Variants in ANXA3 observed in about 807,000 individuals in gnomAD.
ANXA3 encodes annexin A3.
Under a neutral mutation model 48.8 loss-of-function variants are expected in ANXA3, and 46 were observed. The observed-to-expected ratio is 0.94, with a 90% CI of 0.74 to 1.21. The LOEUF (loss-of-function observed/expected upper bound fraction) is 1.21. ANXA3 is among the 50% of genes most tolerant of loss of function. The probability of loss-of-function intolerance (pLI) is 0.00; values close to 1 mark genes in which losing one functional copy is unlikely to be tolerated. For missense variants in ANXA3, 383 were observed against 378.6 expected (o/e 1.01, Z -0.10); for synonymous variants, 128 against 134.7 (o/e 0.95, Z 0.35).
chr4:78,591,300 C>G (rs1352991659), intron 6 of ANXA3, among the ~76,000 whole-genome samples: 10 of 152,098 alleles, frequency 6.6e-5, no homozygotes, highest in Non-Finnish European at 1.5e-5. Context: ...TGAAATAAAC[C>G]AAGATTTGCT....
At chr4:78,579,302 G>T (rs1464927518) in intron 4 of ANXA3, among the ~76,000 whole-genome samples, 181 bp downstream of exon 4, 1 of 152,170 alleles carries the variant, frequency 6.6e-6, no homozygotes. Context: ...ACTGGCTTTG[G>T]GCATGTTACT....
chr4:78,572,267 C>T (rs1158831685), intron 2 of ANXA3, among the ~76,000 whole-genome samples: 1 of 152,122 alleles, frequency 6.6e-6, no homozygotes, highest in African/African-American at 2.4e-5. Flanking sequence ...AAGAGGACTC[C>T]TGAGATATGG....
At position 78,580,658 on chromosome 4, in the gene ANXA3, T is replaced by A. The variant is rs541974972; in HGVS notation, c.199-1519T>A. On this transcript the variant is annotated intron_variant, in intron 4 of 12. Transcript: ENST00000264908. ...TGACCATCCACAGGCACCTCAGGAA[T>A]TACCTCCTGGGAGTGTTCTCCAGGC... 1.1e-4 allele frequency among the ~76,000 whole-genome samples: 16 copies of A among 152,318 alleles called. 1 individual carries two copies. The South Asian group carries it at 3.3e-3, about 32-fold the overall frequency.
chr4:78,563,579 A>G (rs1006195854), intron 2 of ANXA3, among the ~76,000 whole-genome samples: 1 of 152,170 alleles, frequency 6.6e-6, no homozygotes, highest in Non-Finnish European at 1.5e-5. Context: ...TGAACCATAA[A>G]GTGGACCTTC....
chr4:78,572,036 A>G (rs1452110813), intron 2 of ANXA3, among the ~76,000 whole-genome samples: 1 of 152,256 alleles, frequency 6.6e-6, no homozygotes, highest in Non-Finnish European at 1.5e-5. Flanking sequence ...TAATTAAAAC[A>G]TCTTGAAGTC....
At chr4:78,569,502 C>T (rs1253997842) in intron 2 of ANXA3, among the ~76,000 whole-genome samples, 1 of 152,140 alleles carries the variant, frequency 6.6e-6, no homozygotes, top group Non-Finnish European at 1.5e-5. Flanking sequence ...TCTTCCACAC[C>T]CATAAGAGAA....
chr4:78,553,107 T>A (rs938346228), intron 1 of ANXA3, among the ~76,000 whole-genome samples: 1 of 152,188 alleles, frequency 6.6e-6, no homozygotes, highest in African/African-American at 2.4e-5. Flanking sequence ...AGTGTCAGAT[T>A]TGGTCAGGTG....
Position 78,597,442 on chromosome 4 carries a change from G to A in ANXA3, c.730+28G>A, listed in dbSNP as rs776623242. The A allele has an allele frequency of 4.8e-6, 7 of 1,453,248 alleles. No individual in the cohort carries two copies. The East Asian group carries it at 1.6e-4, about 33-fold the overall frequency. The allele number at this position is 1,453,248 out of a possible 1,614,324, so 90.0% of individuals were successfully genotyped here. A position where few individuals can be genotyped will look rare whatever the true frequency, so the allele number is the denominator to read the frequency against. ...AAGACTTCGAGTGCTGGTAAACTAA[G>A]TTACTTTGCACTTGCTTTAACTCAG... On this transcript the variant is annotated intron_variant, in intron 10 of 12. Transcript: ENST00000264908.
chr4:78,578,614 T>G (rs1723010527), intron 3 of ANXA3, among the ~76,000 whole-genome samples: 2 of 152,110 alleles, frequency 1.3e-5, no homozygotes, highest in Non-Finnish European at 2.9e-5. Flanking sequence ...CAGGGCAGAT[T>G]TTCAATAAGT....
In ANXA3 at chr4:78,595,795, T is replaced by A. The variant is rs1560449955; in HGVS notation, c.542T>A (p.Ile181Asn). 1 of 1,587,160 alleles carries A rather than the reference T, an allele frequency of 6.3e-7. No homozygotes were observed. Among genetic ancestry groups the A allele is most frequent in the East Asian group, 2.2e-5 (1 of 44,700 alleles). Residue 181 changes from isoleucine to asparagine, a missense_variant and splice_region_variant, in exon 9 of 13, where the codon ATT (isoleucine) becomes AAT (asparagine). Ile to Asn is a moderately radical substitution (Grantham distance 149). Coordinates refer to ENST00000264908, the MANE Select transcript of ANXA3 (RefSeq NM_005139.3). ...DEHLAKQDAQ[I>N]LYKAGENRWG... ...CTAATATCATTCTCTTGTGAATAGATTCTCTATAAAGCTGGTGAGAACAGA... is the reference window on the plus strand; with the variant it reads ...CTAATATCATTCTCTTGTGAATAGAATCTCTATAAAGCTGGTGAGAACAGA...
At chr4:78,563,890 A>G (rs1018137038) in intron 2 of ANXA3, among the ~76,000 whole-genome samples, 1 of 152,178 alleles carries the variant, frequency 6.6e-6, no homozygotes, top group African/African-American at 2.4e-5. Flanking sequence ...GAAGTTACAC[A>G]TGCACAGGGC....
At chr4:78,569,598 A>G (rs1170105460) in intron 2 of ANXA3, among the ~76,000 whole-genome samples, 1 of 152,248 alleles carries the variant, frequency 6.6e-6, no homozygotes, top group African/African-American at 2.4e-5. Flanking sequence ...TTTATTGTGT[A>G]CTAGAATCAC....
chr4:78,595,544 T>TC, intron 8 of ANXA3, 107 bp downstream of exon 8: 3 of 1,255,598 alleles, frequency 2.4e-6, no homozygotes, highest in South Asian at 1.3e-5. Context: ...ACTTTTCTTT[T>TC]TTTTTTTTTC....
chr4:78,575,387 C>T (rs887501040), intron 3 of ANXA3, among the ~76,000 whole-genome samples: 4 of 152,010 alleles, frequency 2.6e-5, no homozygotes, highest in Admixed American at 2.6e-4. Flanking sequence ...ATAATTCCCA[C>T]GTGTTGTGGG....
intron 7 of ANXA3, among the ~76,000 whole-genome samples, chr4:78,593,749 A>T (rs1347255721): frequency 2.2e-5 from 3 of 136,740 alleles, no homozygotes; most frequent in African/African-American, 8.4e-5. Flanking sequence ...CAGACCTCCC[A>T]CTTCAGCCTC....
Position 78,591,630 on chromosome 4 carries a change from T to C in ANXA3, c.483+7T>C, listed in dbSNP as rs747885889. On this transcript the variant is annotated splice_region_variant and intron_variant, in intron 7 of 12. Coordinates refer to ENST00000264908, the MANE Select transcript of ANXA3 (RefSeq NM_005139.3). The stretch of plus-strand genomic sequence containing the variant: ...TCTGTTGACTTTGGCAGATGTAAGG[T>C]TTTATTTTTTATTTTTTAACTCCCC... 3.1e-6 allele frequency: 5 copies of C among 1,594,780 alleles called. No individual in the cohort carries two copies. In the East Asian group the frequency reaches 1.1e-4, roughly 36 times the overall value.
At position 78,582,174 on chromosome 4, in the gene ANXA3, T is replaced by C. The variant is rs957908458; in HGVS notation, c.199-3T>C. On this transcript the variant is annotated splice_region_variant and splice_polypyrimidine_tract_variant and intron_variant, in intron 4 of 12. Transcript: ENST00000264908. Reference sequence around the variant, plus strand: ...ATTTTTCCCCTTGGTTTTTTGATTTTAGGAGCTGAAAGATGACTTGAAGGG... The same window carrying C: ...ATTTTTCCCCTTGGTTTTTTGATTTCAGGAGCTGAAAGATGACTTGAAGGG... 1.9e-6 allele frequency: 3 copies of C among 1,594,554 alleles called. No individual in the cohort carries two copies. Among genetic ancestry groups the C allele is most frequent in the Admixed American group, 3.5e-5 (2 of 57,734 alleles).
Position 78,597,453 on chromosome 4 carries a change from C to T in ANXA3, c.730+39C>T, listed in dbSNP as rs759521730. On this transcript the variant is annotated intron_variant, in intron 10 of 12. Transcript: ENST00000264908. The stretch of plus-strand genomic sequence containing the variant: ...TGCTGGTAAACTAAGTTACTTTGCA[C>T]TTGCTTTAACTCAGTGCCGAGGCCT... 3 of 1,360,836 alleles carry T rather than the reference C, an allele frequency of 2.2e-6. No homozygotes were observed. In the African/African-American group the frequency reaches 4.4e-5, roughly 20 times the overall value. The allele number at this position is 1,360,836 out of a possible 1,614,324, so 84.3% of individuals were successfully genotyped here.
intron 2 of ANXA3, among the ~76,000 whole-genome samples, chr4:78,563,297 G>A (rs6533779): frequency 2.6e-5 from 4 of 152,124 alleles, no homozygotes; most frequent in Non-Finnish European, 5.9e-5. Flanking sequence ...TCCCTCACAG[G>A]TTTCTCATCC....
Sources: allele counts gnomAD v4.1 joint callset (sites outside exome capture counted in the v4.1 genomes callset), GRCh38; gene constraint gnomAD v4.1.1; transcripts MANE v1.5; gene names NCBI Gene and HGNC (gene_info 2026-07-23, HGNC 2026-07-21).